Variants in TRDMT1 observed in about 807,000 individuals in gnomAD.
TRDMT1 encodes the protein tRNA aspartic acid methyltransferase 1.
In TRDMT1, 49 loss-of-function variants were observed where a neutral mutation model predicts 51.2. That is an observed-to-expected ratio of 0.96 (90% CI 0.76 to 1.21). The LOEUF is 1.21. Among genes scored for constraint, TRDMT1 ranks in the 50% most tolerant of loss-of-function variants. The probability of loss-of-function intolerance (pLI) is 0.00; values close to 1 mark genes in which losing one functional copy is unlikely to be tolerated. For missense variants in TRDMT1, 534 were observed against 462.3 expected (o/e 1.16, Z -1.42); for synonymous variants, 187 against 164.6 (o/e 1.14, Z -1.04).
At chr10:17,164,033 C>T (rs1198368755) in intron 3 of TRDMT1, among the ~76,000 whole-genome samples, 2 of 152,148 alleles carry the variant, frequency 1.3e-5, no homozygotes, top group African/African-American at 2.4e-5. Context: ...CCAGCATCAT[C>T]CTGATACCAA....
Position 17,148,965 on chromosome 10 carries a change from T to A in TRDMT1, c.*75A>T, listed in dbSNP as rs1838349097. The A allele has an allele frequency of 4.1e-6, 6 of 1,453,176 alleles. No homozygotes were observed. The highest frequency in any genetic ancestry group is 1.4e-5 in the South Asian group (1 of 69,678). 90.0% of individuals were successfully genotyped at this position (1,453,176 alleles called of 1,614,324 possible). A position where few individuals can be genotyped will look rare whatever the true frequency, so the allele number is the denominator to read the frequency against. ...TTAGTTAAATTTCACCAGAATTAGT[T>A]CAAAACAGAATTTCAGAATTACTCT... On this transcript the variant is annotated 3_prime_UTR_variant, in exon 11 of 11. Transcript: ENST00000377799.
At position 17,149,008 on chromosome 10, in the gene TRDMT1, T is replaced by C. The variant is rs1588693655; in HGVS notation, c.*32A>G. The C allele has an allele frequency of 3.2e-6, 5 of 1,562,850 alleles. No individual in the cohort carries two copies. Among genetic ancestry groups the C allele is most frequent in the Non-Finnish European group, 4.3e-6 (5 of 1,153,768 alleles). On this transcript the variant is annotated 3_prime_UTR_variant, in exon 11 of 11. Coordinates refer to ENST00000377799, the MANE Select transcript of TRDMT1 (RefSeq NM_004412.7). ...ATTACTCTCTGAAAATGAAGGAATATCATATGACCATCTTTCAGAGTTATT... is the reference window on the plus strand; with the variant it reads ...ATTACTCTCTGAAAATGAAGGAATACCATATGACCATCTTTCAGAGTTATT...
intron 3 of TRDMT1, among the ~76,000 whole-genome samples, chr10:17,166,140 G>T (rs576013065): frequency 6.6e-6 from 1 of 152,216 alleles, no homozygotes; most frequent in East Asian, 1.9e-4. Flanking sequence ...AACAATGATA[G>T]ACTAGATTAA....
At position 17,180,314 on chromosome 10, in the gene TRDMT1, G is replaced by A. The variant is rs569581030; in HGVS notation, c.65-5654C>T. Among the ~76,000 whole-genome samples, 5 of 152,256 alleles carry A rather than the reference G, an allele frequency of 3.3e-5. No individual in the cohort carries two copies. In the East Asian group the frequency reaches 7.7e-4, roughly 23 times the overall value. On this transcript the variant is annotated intron_variant, in intron 1 of 10. Coordinates refer to ENST00000377799, the MANE Select transcript of TRDMT1 (RefSeq NM_004412.7). ...CTAGCACTTTGGGAGGCTGAGGCGG[G>A]TGGATCACCTGAGGTCAGGAGTTTG...
intron 3 of TRDMT1, among the ~76,000 whole-genome samples, chr10:17,165,606 T>C (rs1287725296): frequency 6.6e-6 from 1 of 152,128 alleles, no homozygotes; most frequent in East Asian, 1.9e-4. Flanking sequence ...GAGAAAATTT[T>C]TGCAATCTAC....
At chr10:17,165,627 A>G (rs981675645) in intron 3 of TRDMT1, among the ~76,000 whole-genome samples, 2 of 152,218 alleles carry the variant, frequency 1.3e-5, no homozygotes, top group Non-Finnish European at 2.9e-5. Flanking sequence ...TCATCTGACA[A>G]AGGGCTAATA....
At chr10:17,150,405 T>C in intron 10 of TRDMT1, 1 of 985,402 alleles carries the variant, frequency 1.0e-6, no homozygotes, top group Non-Finnish European at 1.2e-6. Context: ...TACACTCTGC[T>C]TCCACAAATT....
rs12770606 is a variant in TRDMT1 at position 17,146,185 on chromosome 10, A to C, written c.*2855T>G. On this transcript the variant is annotated 3_prime_UTR_variant, in exon 11 of 11. Coordinates refer to ENST00000377799, the MANE Select transcript of TRDMT1 (RefSeq NM_004412.7). ...ACAGTTTACCCTCAAATTTCTAAAAAAGTGCTGGGTGGACCCTCACTGTTC... is the reference window on the plus strand; with the variant it reads ...ACAGTTTACCCTCAAATTTCTAAAACAGTGCTGGGTGGACCCTCACTGTTC... 0.08 allele frequency: 78,913 copies of C among 985,410 alleles called. 3,355 individuals carry two copies. The highest frequency in any genetic ancestry group is 0.087 in the Non-Finnish European group (72,345 of 829,916). The allele number at this position is 985,410 out of a possible 1,614,324, so 61.0% of individuals were successfully genotyped here. A position where few individuals can be genotyped will look rare whatever the true frequency, so the allele number is the denominator to read the frequency against.
intron 3 of TRDMT1, among the ~76,000 whole-genome samples, chr10:17,165,567 T>C (rs1205996861): frequency 6.6e-6 from 1 of 152,002 alleles, no homozygotes; most frequent in African/African-American, 2.4e-5. Flanking sequence ...GAAACTACCA[T>C]CAGAATGAAC....
rs780893879 is a variant in TRDMT1 at position 17,139,668 on chromosome 10, G to A, written c.*9372C>T. 1.3e-5 allele frequency among the ~76,000 whole-genome samples: 2 copies of A among 152,170 alleles called. No individual in the cohort carries two copies. Among genetic ancestry groups the A allele is most frequent in the Non-Finnish European group, 2.9e-5 (2 of 68,030 alleles). ...CTTGTGAGAGGAAGCTTTGCATTACGGATGTGATTTACGGTTAGAGGAGTG... is the reference window on the plus strand; with the variant it reads ...CTTGTGAGAGGAAGCTTTGCATTACAGATGTGATTTACGGTTAGAGGAGTG... On this transcript the variant is annotated 3_prime_UTR_variant, in exon 11 of 11. Coordinates refer to ENST00000377799, the MANE Select transcript of TRDMT1 (RefSeq NM_004412.7).
At chr10:17,164,107 CA>C (rs1297231499) in intron 3 of TRDMT1, among the ~76,000 whole-genome samples, 2 of 152,088 alleles carry the variant, frequency 1.3e-5, no homozygotes, top group Non-Finnish European at 1.5e-5. Context: ...AACATCGATG[CA>C]AAAATCCACA....
intron 1 of TRDMT1, among the ~76,000 whole-genome samples, chr10:17,190,191 T>TG (rs1844499838): frequency 6.6e-6 from 1 of 152,176 alleles, no homozygotes; most frequent in Admixed American, 6.5e-5. Flanking sequence ...AGAGGAGAGC[T>TG]GGTTGGCACT....
intron 3 of TRDMT1, among the ~76,000 whole-genome samples, chr10:17,163,262 G>A (rs980087724): frequency 6.6e-6 from 1 of 152,098 alleles, no homozygotes; most frequent in Non-Finnish European, 1.5e-5. Context: ...AGATAAGGCA[G>A]AAATGAAGAC....
intron 1 of TRDMT1, among the ~76,000 whole-genome samples, chr10:17,183,515 T>A (rs1263371289): frequency 6.6e-6 from 1 of 152,184 alleles, no homozygotes; most frequent in Non-Finnish European, 1.5e-5. Flanking sequence ...CCTCCTGGGT[T>A]CAAGTGATTC....
chr10:17,151,913 A>T (rs1156509275), intron 10 of TRDMT1: 1 of 1,126,564 alleles, frequency 8.9e-7, no homozygotes, highest in Non-Finnish European at 1.1e-6. Context: ...GGGAACGGTT[A>T]AGGTGGGGCT....
In TRDMT1 at chr10:17,137,428, AAAGAC is replaced by A. The variant is rs1216100574; in HGVS notation, c.*11607_*11611del. ...GAGAGCCAGAGTTAGGCAACATTAC[AAAGAC>A]AAGTGTGACAAGATGGCACAGATAC... is the stretch of plus-strand genomic sequence containing the variant. On this transcript the variant is annotated 3_prime_UTR_variant, in exon 11 of 11. Transcript: ENST00000377799. The A allele has an allele frequency of 6.6e-5, 10 of 152,238 alleles. No homozygotes were observed. The highest frequency in any genetic ancestry group is 1.0e-4 in the Non-Finnish European group (7 of 68,052). The allele number at this position is 152,238 out of a possible 1,614,324, so 9.4% of individuals were successfully genotyped here. A position where few individuals can be genotyped will look rare whatever the true frequency, so the allele number is the denominator to read the frequency against.
intron 1 of TRDMT1, among the ~76,000 whole-genome samples, chr10:17,196,559 A>G (rs957727769): frequency 6.6e-6 from 1 of 152,256 alleles, no homozygotes; most frequent in Admixed American, 6.5e-5. Context: ...CTCATTAGCC[A>G]AAACTTTGTA....
At chr10:17,200,471 G>A (rs1177510650) in intron 1 of TRDMT1, 2 of 167,696 alleles carry the variant, frequency 1.2e-5, no homozygotes, top group Non-Finnish European at 2.9e-5. Flanking sequence ...CAATAAATCT[G>A]CTCAAAAAAC....
At position 17,145,951 on chromosome 10, in the gene TRDMT1, C is replaced by T. The variant is rs1280331222; in HGVS notation, c.*3089G>A. 2.0e-6 allele frequency: 2 copies of T among 985,322 alleles called. No homozygotes were observed. The highest frequency in any genetic ancestry group is 2.4e-6 in the Non-Finnish European group (2 of 829,944). The allele number at this position is 985,322 out of a possible 1,614,324, so 61.0% of individuals were successfully genotyped here. On this transcript the variant is annotated 3_prime_UTR_variant, in exon 11 of 11. Transcript: ENST00000377799. ...AAGTCTCCAGCTTAATCACTCTAGA[C>T]CTCAACTAGGTTGAGATGGGAGCAA...
Sources: gnomAD v4.1 joint callset for allele counts (sites outside exome capture counted in the v4.1 genomes callset) on GRCh38, gnomAD v4.1.1 for gene constraint, MANE v1.5 for transcripts, NCBI Gene and HGNC (gene_info 2026-07-23, HGNC 2026-07-21) for gene names.